Variants in GSTA5 observed in about 807,000 individuals in gnomAD.
The protein encoded by GSTA5 is glutathione S-transferase alpha 5.
GSTA5 carries 25 observed loss-of-function variants against 21.8 expected under a neutral mutation model. The ratio of observed to expected loss-of-function variants is 1.14; its 90% confidence interval spans 0.83 to 1.60. GSTA5 has a LOEUF of 1.60. GSTA5 is among the 40% of genes most tolerant of loss of function. The probability of loss-of-function intolerance (pLI) is 0.00; values close to 1 mark genes in which losing one functional copy is unlikely to be tolerated. For missense variants in GSTA5, 330 were observed against 259.2 expected (o/e 1.27, Z -1.88); for synonymous variants, 102 against 89.5 (o/e 1.14, Z -0.78).
At chr6:52,844,460 C>T (rs760722165), upstream of GSTA5, among the ~76,000 whole-genome samples, 4 of 152,090 alleles carry the variant, frequency 2.6e-5, no homozygotes, top group Non-Finnish European at 5.9e-5. Context: ...GAGTTGAAGA[C>T]TAGTATAACT....
Sources: allele counts gnomAD v4.1 joint callset (sites outside exome capture counted in the v4.1 genomes callset), GRCh38; gene constraint gnomAD v4.1.1; transcripts MANE v1.5; gene names NCBI Gene and HGNC (gene_info 2026-07-23, HGNC 2026-07-21).